The following ELAVL1 variants were observed in gnomAD, a reference collection of about 807,000 sequenced individuals.
The protein encoded by ELAVL1 is ELAV like RNA binding protein 1, also known as ELAV-like protein 1.
In ELAVL1, 1 loss-of-function variant was observed where a neutral mutation model predicts 28.4. The ratio of observed to expected loss-of-function variants is 0.04; its 90% CI spans 0.01 to 0.17. The LOEUF (loss-of-function observed/expected upper bound fraction) is 0.17, where lower values mean the gene tolerates loss of function less well. ELAVL1 is among the 10% of genes least tolerant of loss of function. ELAVL1 has a pLI of 1.00. For missense variants in ELAVL1, 157 were observed against 447.2 expected, an observed-to-expected ratio of 0.35 and a Z score of 5.85; for synonymous variants, 174 against 183.5, an observed-to-expected ratio of 0.95 and a Z score of 0.42.
At chr19:7,999,849 T>C (rs2081061572) in intron 1 of ELAVL1, among the ~76,000 whole-genome samples, 1 of 152,212 alleles carries the variant, frequency 6.6e-6, no homozygotes, top group South Asian at 2.1e-4. Flanking sequence ...CGATCTTGGC[T>C]CACTGCAACC....
chr19:7,965,015 C>T (rs1044636120), intron 5 of ELAVL1, among the ~76,000 whole-genome samples: 3 of 152,228 alleles, frequency 2.0e-5, no homozygotes, highest in African/African-American at 4.8e-5. Context: ...TGCCTTCAAG[C>T]GCTGTTAAAC....
At chr19:7,986,634 G>A (rs141209892) in intron 2 of ELAVL1, among the ~76,000 whole-genome samples, 3 of 152,304 alleles carry the variant, frequency 2.0e-5, no homozygotes, top group East Asian at 1.9e-4. Context: ...CCGCTTCACC[G>A]GCAGGAAGAC....
intron 4 of ELAVL1, among the ~76,000 whole-genome samples, chr19:7,969,625 G>A (rs1417871632): frequency 6.6e-6 from 1 of 152,182 alleles, no homozygotes; most frequent in African/African-American, 2.4e-5. Context: ...AGCTTAGTCA[G>A]TCTTGGAAAC....
intron 2 of ELAVL1, among the ~76,000 whole-genome samples, chr19:7,989,072 G>A (rs530265975): frequency 1.3e-5 from 2 of 152,302 alleles, no homozygotes; most frequent in East Asian, 3.9e-4. Context: ...TGTGAGCTGA[G>A]CTAGGCCAGG....
chr19:7,991,798 T>C lies in ELAVL1; in HGVS notation c.18A>G (p.Glu6=). The part of the protein sequence containing the change: MSNGY[E]DHMAEDCRGD... The stretch of plus-strand genomic sequence containing the variant: ...CCCTGCAGTCTTCGGCCATGTGGTC[T>C]TCATAACCATTAGACATTGTATTTT... Residue 6 remains glutamate, a synonymous_variant, in exon 2 of 6, where the codon GAA becomes GAG. Transcript: ENST00000407627. 2 of 1,611,444 alleles carry C rather than the reference T, an allele frequency of 1.2e-6. No individual in the cohort carries two copies. The highest frequency in any genetic ancestry group is 1.7e-6 in the Non-Finnish European group (2 of 1,179,116).
chr19:7,990,833 A>AGAG (rs1042325438), intron 2 of ELAVL1, among the ~76,000 whole-genome samples: 7 of 152,074 alleles, frequency 4.6e-5, no homozygotes, highest in Non-Finnish European at 8.8e-5. Flanking sequence ...GGCCATTGGG[A>AGAG]GAGGAGGAGG....
At chr19:8,004,514 G>A (rs1329095480) in intron 1 of ELAVL1, among the ~76,000 whole-genome samples, 1 of 152,178 alleles carries the variant, frequency 6.6e-6, no homozygotes, top group African/African-American at 2.4e-5. Flanking sequence ...CTGGCATCTA[G>A]TGGGTAGAGG....
chr19:7,994,563 C>A (rs1444145426), intron 1 of ELAVL1, among the ~76,000 whole-genome samples: 2 of 152,220 alleles, frequency 1.3e-5, no homozygotes, highest in Non-Finnish European at 2.9e-5. Flanking sequence ...GAAAAAGACA[C>A]TGAACTTCAT....
chr19:7,988,035 C>A (rs1388295397), intron 2 of ELAVL1, among the ~76,000 whole-genome samples: 1 of 152,074 alleles, frequency 6.6e-6, no homozygotes, highest in Non-Finnish European at 1.5e-5. Context: ...AGTTAAGAGG[C>A]CAAAACGACA....
chr19:7,963,297 A>G lies in ELAVL1; in HGVS notation c.*186T>C, dbSNP rs1984863061. 3 of 663,396 alleles carry G rather than the reference A, an allele frequency of 4.5e-6. No homozygotes were observed. The highest frequency in any genetic ancestry group is 6.2e-5 in the Admixed American group (2 of 32,418). The allele number at this position is 663,396 out of a possible 1,614,324, so 41.1% of individuals were successfully genotyped here. ...TTACGAAACTTAAGATTGGTCTAAC[A>G]TTGTGGGATTTCAAACATTTGAACA... On this transcript the variant is annotated 3_prime_UTR_variant, in exon 6 of 6. Coordinates refer to ENST00000407627, the MANE Select transcript of ELAVL1 (RefSeq NM_001419.3). The surrounding 1 kb of genome is among the most constrained non-coding windows in gnomAD (Gnocchi z 4.5).
chr19:8,000,119 G>A (rs1036628008), intron 1 of ELAVL1, among the ~76,000 whole-genome samples: 2 of 151,900 alleles, frequency 1.3e-5, no homozygotes, highest in Non-Finnish European at 2.9e-5. Context: ...GGGGTGTCTC[G>A]CCATGTTGTT....
chr19:7,995,888 T>G (rs1001043778), intron 1 of ELAVL1, among the ~76,000 whole-genome samples: 1 of 151,764 alleles, frequency 6.6e-6, no homozygotes, highest in Non-Finnish European at 1.5e-5. Flanking sequence ...GGAGTAAACA[T>G]TTGCAAAAGG....
At chr19:7,995,396 G>A (rs1049798998) in intron 1 of ELAVL1, among the ~76,000 whole-genome samples, 3 of 152,118 alleles carry the variant, frequency 2.0e-5, no homozygotes, top group Non-Finnish European at 4.4e-5. Flanking sequence ...CGGTGAGATG[G>A]ACAATGGCTG....
chr19:7,966,993 C>A (rs945900142), intron 5 of ELAVL1, among the ~76,000 whole-genome samples: 2 of 151,752 alleles, frequency 1.3e-5, no homozygotes, highest in Non-Finnish European at 2.9e-5. Flanking sequence ...TAAGTGCTCA[C>A]GCTCACAGCA....
intron 1 of ELAVL1, among the ~76,000 whole-genome samples, chr19:7,993,261 A>G (rs1310213168): frequency 6.6e-6 from 1 of 152,168 alleles, no homozygotes; most frequent in Non-Finnish European, 1.5e-5. Context: ...ACAATTTAAG[A>G]TCCTGTAAAA....
rs74369359 is a variant in ELAVL1, at chr19:7,962,719, G to A, written c.*764C>T. The A allele has an allele frequency of 2.0e-4, 30 of 152,814 alleles. No homozygotes were observed. The highest frequency in any genetic ancestry group is 1.2e-3 in the Admixed American group (19 of 15,310). The allele number at this position is 152,814 out of a possible 1,614,324, so 9.5% of individuals were successfully genotyped here. A position where few individuals can be genotyped will look rare whatever the true frequency, so the allele number is the denominator to read the frequency against. On this transcript the variant is annotated 3_prime_UTR_variant, in exon 6 of 6. Coordinates refer to ENST00000407627, the MANE Select transcript of ELAVL1 (RefSeq NM_001419.3). ...GCATGCAATGTGTGGACAGAAACTC[G>A]GGATGTCAGAGTAGCAACACATCTT... is the stretch of plus-strand genomic sequence containing the variant.
At position 7,995,930 on chromosome 19, in the gene ELAVL1, T is replaced by G. The variant is rs79661452; in HGVS notation, c.-16-4099A>C. Among the ~76,000 whole-genome samples the G allele has an allele frequency of 2.6e-5, 4 of 151,962 alleles. No individual in the cohort carries two copies. The East Asian group carries it at 7.7e-4, about 29-fold the overall frequency. ...TAGTCAGAACACTTTTTTTTTTTTT[T>G]GAGTCAAAGTCTCACTCCACTGCCC... On this transcript the variant is annotated intron_variant, in intron 1 of 5. Coordinates refer to ENST00000407627, the MANE Select transcript of ELAVL1 (RefSeq NM_001419.3).
In ELAVL1 at chr19:7,982,939, T is replaced by C. The variant is rs1985501013; in HGVS notation, c.173-1753A>G. Among the ~76,000 whole-genome samples the C allele has an allele frequency of 2.0e-5, 3 of 152,256 alleles. No homozygotes were observed. The highest frequency in any genetic ancestry group is 2.0e-4 in the Admixed American group (3 of 15,292). The stretch of plus-strand genomic sequence containing the variant: ...CAAGGGCACAGGCCGTCAACGTGAC[T>C]TATGGCTGCTGGTGCTGACCGTGAT... On this transcript the variant is annotated intron_variant, in intron 2 of 5. Coordinates refer to ENST00000407627, the MANE Select transcript of ELAVL1 (RefSeq NM_001419.3). The surrounding 1 kb of genome is among the most constrained non-coding windows in gnomAD (Gnocchi z 4.3).
intron 1 of ELAVL1, among the ~76,000 whole-genome samples, chr19:8,004,927 C>G (rs2081081762): frequency 6.6e-6 from 1 of 152,162 alleles, no homozygotes; most frequent in South Asian, 2.1e-4. Flanking sequence ...GTCCCACGCC[C>G]CACAAACAGC....
Sources: gnomAD v4.1 joint callset for allele counts (sites outside exome capture counted in the v4.1 genomes callset) on GRCh38, gnomAD v4.1.1 for gene constraint, Gnocchi (gnomAD v3.1) non-coding constraint, MANE v1.5 for transcripts, NCBI Gene and HGNC (gene_info 2026-07-23, HGNC 2026-07-21) for gene names.